The following VRK2 variants were observed in gnomAD, a reference collection of about 807,000 sequenced individuals.
VRK2 encodes VRK serine/threonine kinase 2.
A neutral mutation model predicts 57.6 loss-of-function variants in VRK2; 60 were observed. The observed-to-expected ratio is 1.04, with a 90% confidence interval of 0.85 to 1.29. The LOEUF (loss-of-function observed/expected upper bound fraction) is 1.29, where lower values mean the gene tolerates loss of function less well. Ranked by LOEUF, VRK2 falls within the 50% of genes most tolerant of loss-of-function variation. The probability of loss-of-function intolerance (pLI) is 0.00; values close to 1 mark genes in which losing one functional copy is unlikely to be tolerated. For synonymous variants in VRK2, 231 were observed against 199.2 expected, an observed-to-expected ratio of 1.16 and a Z score of -1.35; for missense variants, 705 against 588.1, an observed-to-expected ratio of 1.20 and a Z score of -2.06.
intron 1 of VRK2, among the ~76,000 whole-genome samples, chr2:57,968,870 A>G (rs1672005123): frequency 6.6e-6 from 1 of 152,116 alleles, no homozygotes; most frequent in Admixed American, 6.6e-5. Flanking sequence ...TCCATAGTCA[A>G]ACAATTTTGA....
chr2:57,920,515 A>C (rs762430248), intron 1 of VRK2, among the ~76,000 whole-genome samples: 4 of 152,106 alleles, frequency 2.6e-5, no homozygotes, highest in Non-Finnish European at 2.9e-5. Flanking sequence ...GTAGTAGGTG[A>C]TGAAAGGGTG....
chr2:57,928,378 TG>T (rs1399279746), intron 1 of VRK2, among the ~76,000 whole-genome samples: 2 of 152,118 alleles, frequency 1.3e-5, no homozygotes, highest in Non-Finnish European at 2.9e-5. Context: ...AATTTCTGCT[TG>T]ATTTTTTAAC....
intron 2 of VRK2, among the ~76,000 whole-genome samples, chr2:58,076,069 CTT>C: frequency 1.4e-5 from 2 of 144,984 alleles, no homozygotes; most frequent in South Asian, 4.3e-4. Context: ...GGAAACCTCT[CTT>C]TACTTTTTAA....
At chr2:58,126,137 A>T (rs774709241) in intron 8 of VRK2, among the ~76,000 whole-genome samples, 74 of 152,008 alleles carry the variant, frequency 4.9e-4, no homozygotes, top group Non-Finnish European at 7.7e-4. Flanking sequence ...AAAATAAAGT[A>T]CAAAAAGCAA....
chr2:57,976,474 A>G (rs1333686316), intron 1 of VRK2, among the ~76,000 whole-genome samples: 2 of 151,826 alleles, frequency 1.3e-5, no homozygotes, highest in African/African-American at 4.8e-5. Flanking sequence ...CAGGTCAAGC[A>G]TTTTTTCGTA....
Position 58,033,284 on chromosome 2 carries a change from GAC to G in VRK2, c.-274_-273del, listed in dbSNP as rs577974356. The G allele has an allele frequency of 2.6e-5, 4 of 152,070 alleles. No individual in the cohort carries two copies. In the South Asian group the frequency reaches 8.3e-4, roughly 32 times the overall value. The allele number at this position is 152,070 out of a possible 1,614,324, so 9.4% of individuals were successfully genotyped here. On this transcript the variant is annotated 5_prime_UTR_variant, in exon 3 of 16. Coordinates refer to the VRK2 transcript ENST00000417641. ...ATATGTTGCTTTACGTGGCAAAAAG[GAC>G]TTTACAGATCTGAGTACACTGGATT...
At chr2:58,072,146 T>A (rs987786731) in intron 2 of VRK2, among the ~76,000 whole-genome samples, 1 of 152,042 alleles carries the variant, frequency 6.6e-6, no homozygotes, top group African/African-American at 2.4e-5. Context: ...GCCATACTGA[T>A]GTATTAAGTC....
At chr2:58,142,004 ATTTAG>A (rs1287279544) in intron 11 of VRK2, among the ~76,000 whole-genome samples, 1 of 151,944 alleles carries the variant, frequency 6.6e-6, no homozygotes, top group African/African-American at 2.4e-5. Flanking sequence ...GTAGTTAAGT[ATTTAG>A]TTATAGAGCT....
At chr2:58,044,544 GTATAA>G (rs560880606), upstream of VRK2, among the ~76,000 whole-genome samples, 224 of 152,244 alleles carry the variant, frequency 1.5e-3, no homozygotes, top group African/African-American at 4.9e-3. Context: ...ATAATAAACT[GTATAA>G]TATATTGCTG....
intron 2 of VRK2, among the ~76,000 whole-genome samples, chr2:58,032,588 T>C (rs564582889): frequency 7.9e-4 from 119 of 150,166 alleles, no homozygotes; most frequent in African/African-American, 2.8e-3. Flanking sequence ...TTCTCAATTG[T>C]ACCTCTCAAG....
Position 58,000,786 on chromosome 2 carries a change from C to T in VRK2, c.-438-24879C>T, listed in dbSNP as rs117981189. Among the ~76,000 whole-genome samples, 186 of 152,230 alleles carry T rather than the reference C, an allele frequency of 1.2e-3. 1 individual carries two copies. In the East Asian group the frequency reaches 0.027, roughly 22 times the overall value. ...TAGCAATATATCTTCTATTCATACTCGACTGCAAAACAACAGATATGATTT... is the reference window on the plus strand; with the variant it reads ...TAGCAATATATCTTCTATTCATACTTGACTGCAAAACAACAGATATGATTT... On this transcript the variant is annotated intron_variant, in intron 1 of 15. Coordinates refer to the VRK2 transcript ENST00000417641.
chr2:58,132,210 G>C (rs1679313002), intron 9 of VRK2, among the ~76,000 whole-genome samples: 1 of 152,122 alleles, frequency 6.6e-6, no homozygotes, highest in Non-Finnish European at 1.5e-5. Flanking sequence ...AGGTGGTAGT[G>C]TTTTCAAGGA....
chr2:57,975,516 T>TG (rs558059291), intron 1 of VRK2, among the ~76,000 whole-genome samples: 3 of 152,102 alleles, frequency 2.0e-5, no homozygotes, highest in African/African-American at 7.2e-5. Context: ...ATTTTAGATT[T>TG]GGGGTGGGGT....
chr2:58,087,353 T>C (rs1285970314), intron 5 of VRK2, among the ~76,000 whole-genome samples: 1 of 152,132 alleles, frequency 6.6e-6, no homozygotes, highest in East Asian at 1.9e-4. Context: ...GCTGATTGAA[T>C]CATGATACAT....
intron 1 of VRK2, among the ~76,000 whole-genome samples, chr2:58,010,459 G>A (rs1673385969): frequency 6.6e-6 from 1 of 151,888 alleles, no homozygotes; most frequent in African/African-American, 2.4e-5. Flanking sequence ...AAGGGTTAGT[G>A]TCCCCTACTC....
chr2:58,063,664 T>A (rs146569773), intron 2 of VRK2, among the ~76,000 whole-genome samples: 1 of 152,120 alleles, frequency 6.6e-6, no homozygotes, highest in African/African-American at 2.4e-5. Context: ...GTTGTTTTCA[T>A]GCCTGCTAAC....
chr2:58,140,161 T>C (rs1387065166), intron 11 of VRK2, among the ~76,000 whole-genome samples: 2 of 152,084 alleles, frequency 1.3e-5, no homozygotes, highest in East Asian at 3.9e-4. Context: ...CTTTAGATAT[T>C]GCCCTGTGTT....
intron 1 of VRK2, among the ~76,000 whole-genome samples, chr2:58,001,653 C>T (rs1012131575): frequency 1.8e-4 from 28 of 152,028 alleles, no homozygotes; most frequent in Admixed American, 2.0e-4. Context: ...GAAACCCCGT[C>T]TCTATTAAAA....
At chr2:58,057,616 T>C (rs1371212) in intron 2 of VRK2, among the ~76,000 whole-genome samples, 13,345 of 152,176 alleles carry the variant, frequency 0.088, 635 homozygotes, top group East Asian at 0.11. Flanking sequence ...GATTGACTTA[T>C]GTATGTATGC....
Sources: allele counts gnomAD v4.1 joint callset (sites outside exome capture counted in the v4.1 genomes callset), GRCh38; gene constraint gnomAD v4.1.1; transcripts MANE v1.5; gene names NCBI Gene and HGNC (gene_info 2026-07-23, HGNC 2026-07-21).